The following MARCHF3 variants were observed in gnomAD, a reference collection of about 807,000 sequenced individuals.
MARCHF3 encodes the protein membrane associated ring-CH-type finger 3.
Under a neutral mutation model 24.2 loss-of-function variants are expected in MARCHF3, and 13 were observed. The ratio of observed to expected loss-of-function variants is 0.54; its 90% confidence interval spans 0.35 to 0.85. MARCHF3 has a LOEUF of 0.85. Ranked by LOEUF, MARCHF3 falls within the 40% of genes least tolerant of loss-of-function variation. The probability of loss-of-function intolerance (pLI) is 0.01; values close to 1 mark genes in which losing one functional copy is unlikely to be tolerated. For missense variants in MARCHF3, 276 were observed against 325.0 expected (o/e 0.85, Z 1.16); for synonymous variants, 144 against 137.3 (o/e 1.05, Z -0.34).
intron 1 of MARCHF3, among the ~76,000 whole-genome samples, chr5:126,964,309 G>A (rs547487703): frequency 3.4e-4 from 52 of 152,318 alleles, no homozygotes; most frequent in African/African-American, 1.2e-3. Flanking sequence ...TTCATCCTGA[G>A]TTTCCCTGGT....
At chr5:126,941,242 T>C (rs567449041) in intron 1 of MARCHF3, among the ~76,000 whole-genome samples, 1 of 152,230 alleles carries the variant, frequency 6.6e-6, no homozygotes, top group Non-Finnish European at 1.5e-5. Flanking sequence ...CAATTATACA[T>C]ATTCTAGAAA....
intron 1 of MARCHF3, among the ~76,000 whole-genome samples, chr5:126,951,562 T>A (rs371981737): frequency 6.6e-6 from 1 of 152,210 alleles, no homozygotes; most frequent in East Asian, 1.9e-4. Flanking sequence ...GGCATCTCCA[T>A]CCTTCCAATG....
intron 3 of MARCHF3, among the ~76,000 whole-genome samples, chr5:126,896,119 C>T (rs372276959): frequency 6.6e-5 from 10 of 152,208 alleles, no homozygotes; most frequent in African/African-American, 2.4e-4. Flanking sequence ...AGGGAACTCC[C>T]TGACCCCTTG....
chr5:126,987,584 C>T (rs1020545915), intron 1 of MARCHF3, among the ~76,000 whole-genome samples: 1 of 152,202 alleles, frequency 6.6e-6, no homozygotes, highest in Non-Finnish European at 1.5e-5. Flanking sequence ...GCCACTTCCC[C>T]ATCCCCCAAC....
chr5:126,967,443 A>G (rs944625752), intron 1 of MARCHF3, among the ~76,000 whole-genome samples: 1 of 152,216 alleles, frequency 6.6e-6, no homozygotes, highest in Admixed American at 6.5e-5. Flanking sequence ...CTGTAATCCC[A>G]GCACTTTGAG....
At chr5:126,892,983 T>C (rs1482511498) in intron 3 of MARCHF3, among the ~76,000 whole-genome samples, 4 of 151,970 alleles carry the variant, frequency 2.6e-5, no homozygotes, top group African/African-American at 9.7e-5. Flanking sequence ...TATTGGTCTA[T>C]TCAGAGATTC....
intron 1 of MARCHF3, among the ~76,000 whole-genome samples, chr5:126,967,381 T>A (rs1025806028): frequency 1.3e-5 from 2 of 152,162 alleles, no homozygotes; most frequent in African/African-American, 4.8e-5. Flanking sequence ...TACATATTCA[T>A]CACCCTGCTT....
At chr5:126,890,576 A>T (rs1431571499) in intron 3 of MARCHF3, among the ~76,000 whole-genome samples, 1 of 151,852 alleles carries the variant, frequency 6.6e-6, no homozygotes, top group Non-Finnish European at 1.5e-5. Context: ...CTGAGAATGA[A>T]GTTTTCCAGT....
intron 1 of MARCHF3, among the ~76,000 whole-genome samples, chr5:126,969,501 T>G (rs925062506): frequency 2.0e-5 from 3 of 152,204 alleles, no homozygotes; most frequent in Non-Finnish European, 4.4e-5. Context: ...TTTAAGACAT[T>G]TTCTATGTAT....
chr5:127,017,811 T>C (rs1290885752), intron 1 of MARCHF3, among the ~76,000 whole-genome samples: 1 of 152,210 alleles, frequency 6.6e-6, no homozygotes, highest in Non-Finnish European at 1.5e-5. Context: ...ACAAAATGAA[T>C]AACTTTTTTT....
At chr5:127,018,237 G>C (rs997412632) in intron 1 of MARCHF3, among the ~76,000 whole-genome samples, 5 of 152,140 alleles carry the variant, frequency 3.3e-5, no homozygotes, top group African/African-American at 1.2e-4. Flanking sequence ...CAGGTATGGT[G>C]GTGGGCGCCT....
intron 3 of MARCHF3, among the ~76,000 whole-genome samples, chr5:126,910,706 T>C (rs1054945059): frequency 3.9e-5 from 6 of 152,222 alleles, no homozygotes; most frequent in Non-Finnish European, 7.3e-5. Context: ...GATGATTGCA[T>C]TAACTGCAAA....
Position 126,869,960 on chromosome 5 carries a change from T to C in MARCHF3, c.*673A>G, listed in dbSNP as rs1316385756. The C allele has an allele frequency of 2.0e-5, 3 of 152,380 alleles. No individual in the cohort carries two copies. Among genetic ancestry groups the C allele is most frequent in the Non-Finnish European group, 2.9e-5 (2 of 68,038 alleles). The allele number at this position is 152,380 out of a possible 1,614,324, so 9.4% of individuals were successfully genotyped here. On this transcript the variant is annotated 3_prime_UTR_variant, in exon 5 of 5. Transcript: ENST00000308660. ...GCGAGCTTCTCACCATATTTTTTTT[T>C]CTCCTTAATGATATTTAAATAAACA...
At chr5:126,944,751 C>T (rs1287923813) in intron 1 of MARCHF3, among the ~76,000 whole-genome samples, 1 of 152,200 alleles carries the variant, frequency 6.6e-6, no homozygotes, top group Non-Finnish European at 1.5e-5. Flanking sequence ...CTGTAAATCA[C>T]TTCACCTCTA....
intron 4 of MARCHF3, among the ~76,000 whole-genome samples, chr5:126,876,678 T>C (rs969458550): frequency 3.3e-5 from 5 of 151,054 alleles, no homozygotes; most frequent in African/African-American, 1.2e-4. Flanking sequence ...TGAGATGGAG[T>C]CTCACTCTGT....
intron 3 of MARCHF3, among the ~76,000 whole-genome samples, chr5:126,878,640 T>C (rs763701612): frequency 7.2e-5 from 11 of 152,200 alleles, no homozygotes; most frequent in Non-Finnish European, 1.3e-4. Flanking sequence ...CTACTTTTTG[T>C]GAAAATAGTC....
At chr5:126,985,470 T>C (rs896205721) in intron 1 of MARCHF3, among the ~76,000 whole-genome samples, 4 of 141,682 alleles carry the variant, frequency 2.8e-5, no homozygotes, top group Middle Eastern at 3.6e-3. Flanking sequence ...GATGAACTTT[T>C]ATTTTTTTTT....
At chr5:126,905,907 A>G (rs1282826528) in intron 3 of MARCHF3, among the ~76,000 whole-genome samples, 1 of 152,140 alleles carries the variant, frequency 6.6e-6, no homozygotes, top group Non-Finnish European at 1.5e-5. Context: ...TTTCAAAAGG[A>G]ATGCTTCCAG....
intron 1 of MARCHF3, among the ~76,000 whole-genome samples, chr5:127,000,527 G>A (rs1291273379): frequency 6.6e-6 from 1 of 152,084 alleles, no homozygotes; most frequent in East Asian, 1.9e-4. Context: ...AGAACCAGAT[G>A]CTGCTGAAAC....
Sources: gnomAD v4.1 joint callset for allele counts (sites outside exome capture counted in the v4.1 genomes callset) on GRCh38, gnomAD v4.1.1 for gene constraint, MANE v1.5 for transcripts, NCBI Gene and HGNC (gene_info 2026-07-23, HGNC 2026-07-21) for gene names.